ABR: variants seen among roughly 807,000 people sequenced by gnomAD.
The protein encoded by ABR is ABR activator of RhoGEF and GTPase.
ABR carries 35 observed loss-of-function variants against 107.2 expected under a neutral mutation model. The ratio of observed to expected loss-of-function variants is 0.33; its 90% CI spans 0.25 to 0.43. ABR has a LOEUF of 0.43. Ranked by LOEUF, ABR falls within the 20% of genes least tolerant of loss-of-function variation. ABR has a pLI of 1.00. For missense variants in ABR, 815 were observed against 1,115.2 expected, an observed-to-expected ratio of 0.73 and a Z score of 3.83; for synonymous variants, 498 against 462.0, an observed-to-expected ratio of 1.08 and a Z score of -1.00.
chr17:1,172,488 C>T (rs557059273), intron 1 of ABR, among the ~76,000 whole-genome samples: 1 of 152,314 alleles, frequency 6.6e-6, no homozygotes, highest in African/African-American at 2.4e-5. Flanking sequence ...CGGTGGCTCA[C>T]ACCTGTCATC....
chr17:1,120,332 C>T (rs1002175732), intron 2 of ABR, among the ~76,000 whole-genome samples: 7 of 152,098 alleles, frequency 4.6e-5, no homozygotes, highest in East Asian at 1.9e-4. Flanking sequence ...AGTGCAATGG[C>T]GTGATCTCAG....
intron 1 of ABR, among the ~76,000 whole-genome samples, chr17:1,201,371 C>T (rs1186590431): frequency 1.3e-5 from 2 of 152,088 alleles, no homozygotes; most frequent in East Asian, 1.9e-4. Context: ...CAAGACCCAG[C>T]GAGATCGTGA....
intron 1 of ABR, among the ~76,000 whole-genome samples, chr17:1,197,986 C>G (rs537788177): frequency 6.6e-6 from 1 of 151,734 alleles, no homozygotes; most frequent in Non-Finnish European, 1.5e-5. Context: ...TGCTGCTGCG[C>G]CCGGCTGGCC....
chr17:1,103,179 G>A (rs989804681), intron 2 of ABR, among the ~76,000 whole-genome samples: 1 of 152,176 alleles, frequency 6.6e-6, no homozygotes. Context: ...ACTGAGCTTA[G>A]CTATCTTTGT....
At chr17:1,012,845 CGAGGAATGCCCCCAAAACACAGG>C (rs1567568674) in intron 17 of ABR, 48 bp from the exon 18 acceptor site, 15 of 1,461,792 alleles carry the variant, frequency 1.0e-5, no homozygotes, top group Non-Finnish European at 1.4e-5. Flanking sequence ...TGTGAGTGCC[CGAGGAATGCCCCCAAAACACAGG>C]GGTCCCCTCC....
intron 1 of ABR, among the ~76,000 whole-genome samples, chr17:1,151,603 A>G (rs1295608184): frequency 6.6e-6 from 1 of 152,222 alleles, no homozygotes; most frequent in African/African-American, 2.4e-5. Flanking sequence ...GGGGATGGAG[A>G]AGTGTGTTTC....
intron 1 of ABR, among the ~76,000 whole-genome samples, chr17:1,172,765 G>C (rs187963319): frequency 6.6e-6 from 1 of 151,710 alleles, no homozygotes; most frequent in African/African-American, 2.4e-5. Context: ...AAAAAGAAAA[G>C]AAAAGCAAGC....
At position 1,005,129 on chromosome 17, in the gene ABR, T is replaced by G; in HGVS notation, c.*951A>C. 1 of 398,794 alleles carries G rather than the reference T, an allele frequency of 2.5e-6. No homozygotes were observed. The highest frequency in any genetic ancestry group is 4.4e-6 in the Non-Finnish European group (1 of 226,220). 24.7% of individuals were successfully genotyped at this position (398,794 alleles called of 1,614,324 possible). A position where few individuals can be genotyped will look rare whatever the true frequency, so the allele number is the denominator to read the frequency against. ...TCCTCCCCCGTTCAGCCTGTGGTGT[T>G]TCCTCAGCAGCCTGACCGCCTCCTC... On this transcript the variant is annotated 3_prime_UTR_variant, in exon 23 of 23. Coordinates refer to ENST00000302538, the MANE Select transcript of ABR (RefSeq NM_021962.5).
chr17:1,109,037 A>G (rs1384030139), intron 2 of ABR: 11 of 1,597,796 alleles, frequency 6.9e-6, no homozygotes, highest in Non-Finnish European at 9.4e-6. Flanking sequence ...AACCTTGTCC[A>G]GCAAGCCTAT....
At chr17:1,214,938 G>A (rs1457826789) in intron 1 of ABR, among the ~76,000 whole-genome samples, 5 of 152,024 alleles carry the variant, frequency 3.3e-5, no homozygotes, top group East Asian at 1.9e-4. Flanking sequence ...TATTGCTCTT[G>A]ACCAGGTGGG....
chr17:1,143,617 C>T (rs1170905522), intron 1 of ABR, among the ~76,000 whole-genome samples: 1 of 152,106 alleles, frequency 6.6e-6, no homozygotes, highest in Non-Finnish European at 1.5e-5. Context: ...GACTCGAGGC[C>T]CCACCATGGG....
chr17:1,164,504 A>G (rs35733443), intron 1 of ABR, among the ~76,000 whole-genome samples: 2,106 of 150,320 alleles, frequency 0.014, 80 homozygotes, highest in African/African-American at 0.05. Flanking sequence ...AGACTCAGGG[A>G]CCCCAGATAA....
chr17:1,058,559 C>T (rs1212458655), intron 11 of ABR, among the ~76,000 whole-genome samples, 186 bp downstream of exon 11: 1 of 152,128 alleles, frequency 6.6e-6, no homozygotes, highest in African/African-American at 2.4e-5. Flanking sequence ...GTGCCAGGGA[C>T]GGCCAGCAGA....
At chr17:1,008,946 G>A (rs1234705149) in intron 21 of ABR, among the ~76,000 whole-genome samples, 4 of 152,190 alleles carry the variant, frequency 2.6e-5, no homozygotes, top group Non-Finnish European at 5.9e-5. Flanking sequence ...TGGAAGTTGA[G>A]GGCTCTAAGG....
upstream of ABR, among the ~76,000 whole-genome samples, chr17:1,191,191 T>C (rs1243741822): frequency 6.6e-6 from 1 of 152,076 alleles, no homozygotes; most frequent in Non-Finnish European, 1.5e-5. Flanking sequence ...CAAGATCCGG[T>C]TCTCGGGCCT....
intron 1 of ABR, among the ~76,000 whole-genome samples, chr17:1,126,114 C>A (rs2039589732): frequency 6.6e-6 from 1 of 152,214 alleles, no homozygotes. Flanking sequence ...CACTTGGGCT[C>A]CAGAGCCCAG....
chr17:1,122,047 C>T (rs112898585), intron 2 of ABR, among the ~76,000 whole-genome samples: 6,811 of 152,244 alleles, frequency 0.045, 190 homozygotes, highest in South Asian at 0.085. Context: ...GGATTACAGG[C>T]ATGTGCCACC....
intron 1 of ABR, among the ~76,000 whole-genome samples, chr17:1,204,901 C>CTTTTTTTTTTTTTTTTTTTT (rs869034249): frequency 3.1e-5 from 1 of 32,120 alleles, no homozygotes; most frequent in African/African-American, 1.1e-4. Context: ...TTTTCTTTTT[C>CTTTTTTTTTTTTTTTTTTTT]TTTTTTTTTT....
chr17:1,133,752 C>T (rs28408143), intron 1 of ABR, among the ~76,000 whole-genome samples: 2 of 152,100 alleles, frequency 1.3e-5, no homozygotes, highest in African/African-American at 4.8e-5. Context: ...ACTCTACCCT[C>T]GTTTTCTAGG....
Sources: gnomAD v4.1 joint callset for allele counts (sites outside exome capture counted in the v4.1 genomes callset) on GRCh38, gnomAD v4.1.1 for gene constraint, MANE v1.5 for transcripts, NCBI Gene and HGNC (gene_info 2026-07-23, HGNC 2026-07-21) for gene names.